The following NREP variants were observed in gnomAD, a reference collection of about 807,000 sequenced individuals.
NREP encodes the protein neuronal regeneration-related protein.
In NREP, 5 loss-of-function variants were observed where a neutral mutation model predicts 8.6. The ratio of observed to expected loss-of-function variants is 0.58; its 90% CI spans 0.30 to 1.22. The LOEUF (loss-of-function observed/expected upper bound fraction) is 1.22, where lower values mean the gene tolerates loss of function less well. Among genes scored for constraint, NREP ranks in the 50% most tolerant of loss-of-function variants. The probability of loss-of-function intolerance (pLI) is 0.07; values close to 1 mark genes in which losing one functional copy is unlikely to be tolerated. For missense variants in NREP, 86 were observed against 82.5 expected, an observed-to-expected ratio of 1.04 and a Z score of -0.17; for synonymous variants, 27 against 28.0, an observed-to-expected ratio of 0.96 and a Z score of 0.11.
At chr5:111,872,867 T>C (rs1437028482) in intron 2 of NREP, among the ~76,000 whole-genome samples, 1 of 152,134 alleles carries the variant, frequency 6.6e-6, no homozygotes, top group Non-Finnish European at 1.5e-5. Flanking sequence ...TGGATTACAT[T>C]AGCTACCAAA....
In NREP at chr5:111,773,113, TTTCA is replaced by T. The variant is rs1423232841; in HGVS notation, c.136-37610_136-37607del. On this transcript the variant is annotated intron_variant, in intron 2 of 3. Transcript: ENST00000395634. The stretch of plus-strand genomic sequence containing the variant: ...TTGTGCAAGTCATAGTGCATATAAC[TTTCA>T]TTCAATTCTCTGAGCCTTTTTTTTT... 2.8e-4 allele frequency among the ~76,000 whole-genome samples: 42 copies of T among 152,280 alleles called. No homozygotes were observed. The East Asian group carries it at 7.3e-3, about 27-fold the overall frequency.
At chr5:111,881,093 G>A (rs148849783) in intron 2 of NREP, among the ~76,000 whole-genome samples, 7,951 of 152,242 alleles carry the variant, frequency 0.052, 494 homozygotes, top group East Asian at 0.23. Context: ...GGTGACAGAC[G>A]GCACCTGGAA....
chr5:111,958,899 G>A lies in NREP; in HGVS notation c.135+16375C>T, dbSNP rs146471037. Among the ~76,000 whole-genome samples the A allele has an allele frequency of 1.9e-3, 284 of 151,918 alleles. 2 individuals are homozygous for A. Among genetic ancestry groups the A allele is most frequent in the Admixed American group, 4.2e-3 (64 of 15,238 alleles). On this transcript the variant is annotated intron_variant, in intron 2 of 3. Coordinates refer to the NREP transcript ENST00000395634. Reference sequence around the variant, plus strand: ...AGACATCAAAAATAATTTAAACCATGTTATCTTCACAAGAATGTACAAATA... The same window carrying A: ...AGACATCAAAAATAATTTAAACCATATTATCTTCACAAGAATGTACAAATA...
chr5:111,971,276 G>A (rs1007566347), intron 2 of NREP, among the ~76,000 whole-genome samples: 1 of 152,100 alleles, frequency 6.6e-6, no homozygotes, highest in Non-Finnish European at 1.5e-5. Context: ...ACCTGAAAGT[G>A]ACCTACAGAT....
At chr5:111,762,802 C>T (rs766708779) in intron 2 of NREP, among the ~76,000 whole-genome samples, 1 of 152,108 alleles carries the variant, frequency 6.6e-6, no homozygotes, top group African/African-American at 2.4e-5. Context: ...CCGTGGGAAA[C>T]TAATAGACCG....
chr5:111,754,793 G>A (rs1750598956), intron 2 of NREP, among the ~76,000 whole-genome samples: 1 of 152,100 alleles, frequency 6.6e-6, no homozygotes, highest in Non-Finnish European at 1.5e-5. Context: ...TTAACTGCCT[G>A]ATTCATTTTT....
intron 2 of NREP, among the ~76,000 whole-genome samples, chr5:111,795,005 A>G (rs116394271): frequency 0.014 from 2,123 of 152,056 alleles, 61 homozygotes; most frequent in African/African-American, 0.049. Context: ...TAAAAAAAAA[A>G]AAAAAAGAAA....
At chr5:111,830,065 C>G (rs1014635954) in intron 2 of NREP, among the ~76,000 whole-genome samples, 4 of 152,196 alleles carry the variant, frequency 2.6e-5, no homozygotes, top group Non-Finnish European at 5.9e-5. Context: ...CAGCCCATGG[C>G]CCACAGGCTG....
intron 2 of NREP, among the ~76,000 whole-genome samples, chr5:111,778,933 T>A (rs1751426020): frequency 6.6e-6 from 1 of 152,122 alleles, no homozygotes; most frequent in Non-Finnish European, 1.5e-5. Context: ...CTAAAGTATG[T>A]TTTATTTTTT....
intron 2 of NREP, among the ~76,000 whole-genome samples, chr5:111,926,786 G>A (rs1035194548): frequency 6.6e-6 from 1 of 151,972 alleles, no homozygotes; most frequent in South Asian, 2.1e-4. Context: ...GACAGTGGGG[G>A]CTTCCCCACT....
intron 2 of NREP, among the ~76,000 whole-genome samples, chr5:111,895,543 T>A (rs1754489844): frequency 6.6e-6 from 1 of 151,926 alleles, no homozygotes; most frequent in Non-Finnish European, 1.5e-5. Flanking sequence ...CAGTGCAACA[T>A]AATGAGTGAG....
At chr5:111,785,749 G>A (rs1008039962) in intron 2 of NREP, among the ~76,000 whole-genome samples, 1 of 152,112 alleles carries the variant, frequency 6.6e-6, no homozygotes, top group Non-Finnish European at 1.5e-5. Flanking sequence ...TATTAGATTG[G>A]GGGAAATATC....
chr5:111,970,237 G>T (rs530499587), intron 2 of NREP, among the ~76,000 whole-genome samples: 118 of 150,736 alleles, frequency 7.8e-4, no homozygotes, highest in Non-Finnish European at 1.3e-3. Context: ...ATTTTTTTTT[G>T]AAATTATTTT....
chr5:111,869,745 G>A (rs1474247483), intron 2 of NREP, among the ~76,000 whole-genome samples: 1 of 152,142 alleles, frequency 6.6e-6, no homozygotes, highest in Admixed American at 6.5e-5. Context: ...GACACCCAAA[G>A]AGCATGCTCA....
chr5:111,938,883 A>G (rs372082344), intron 2 of NREP, among the ~76,000 whole-genome samples: 21 of 152,062 alleles, frequency 1.4e-4, no homozygotes, highest in East Asian at 1.2e-3. Context: ...GATAATGACT[A>G]CTTTGTAACA....
At chr5:111,746,913 C>T (rs1750042297) in intron 2 of NREP, among the ~76,000 whole-genome samples, 1 of 152,132 alleles carries the variant, frequency 6.6e-6, no homozygotes, top group African/African-American at 2.4e-5. Flanking sequence ...ATTCTTTAAG[C>T]TACTATTAAC....
Position 111,976,611 on chromosome 5 carries a change from T to C in NREP, c.30+99A>G, listed in dbSNP as rs1431392256. On this transcript the variant is annotated intron_variant, in intron 1 of 3. Coordinates refer to the NREP transcript ENST00000395634. ...TCAAGCAAAATGAACAAGGTTAAAA[T>C]GGAGAGGTCAGTGAGGCAGAGACAA... The C allele has an allele frequency of 7.7e-6, 7 of 914,116 alleles. No homozygotes were observed. The East Asian group carries it at 1.4e-4, about 18-fold the overall frequency. 56.6% of individuals were successfully genotyped at this position (914,116 alleles called of 1,614,324 possible).
chr5:111,932,973 T>C (rs1173117302), intron 2 of NREP, among the ~76,000 whole-genome samples: 1 of 152,088 alleles, frequency 6.6e-6, no homozygotes. Flanking sequence ...GGTTCTGTCC[T>C]GGAGCTGGGC....
At chr5:111,921,133 G>T (rs1479161533) in intron 2 of NREP, among the ~76,000 whole-genome samples, 1 of 152,100 alleles carries the variant, frequency 6.6e-6, no homozygotes, top group Non-Finnish European at 1.5e-5. Context: ...CTGCCTAGTT[G>T]ATCTACCTCT....
Sources: gnomAD v4.1 joint callset for allele counts (sites outside exome capture counted in the v4.1 genomes callset) on GRCh38, gnomAD v4.1.1 for gene constraint, MANE v1.5 for transcripts, NCBI Gene and HGNC (gene_info 2026-07-23, HGNC 2026-07-21) for gene names.